Variants in RRBP1 observed in about 807,000 individuals in gnomAD.
The protein encoded by RRBP1 is ribosome-binding protein 1.
RRBP1 carries 94 observed loss-of-function variants against 165.2 expected under a neutral mutation model. The observed-to-expected ratio is 0.57, with a 90% CI of 0.48 to 0.68. The LOEUF (loss-of-function observed/expected upper bound fraction) is 0.68. Among genes scored for constraint, RRBP1 ranks in the 30% least tolerant of loss-of-function variants. RRBP1 has a pLI of 0.00. For synonymous variants in RRBP1, 680 were observed against 714.5 expected (o/e 0.95, Z 0.77); for missense variants, 1,676 against 1,763.0 (o/e 0.95, Z 0.88).
chr20:17,680,109 G>A (rs1308142930), intron 1 of RRBP1, 34 bp from the exon 2 acceptor site: 1 of 152,216 alleles, frequency 6.6e-6, no homozygotes, highest in Non-Finnish European at 1.5e-5. Flanking sequence ...ATGATAGTGG[G>A]AGTGACCTTT....
At chr20:17,620,070 T>C (rs1467758885) in intron 18 of RRBP1, among the ~76,000 whole-genome samples, 4 of 152,154 alleles carry the variant, frequency 2.6e-5, no homozygotes, top group Non-Finnish European at 5.9e-5. Flanking sequence ...TCACCAGGGC[T>C]GGGCAGGTCT....
At chr20:17,616,636 G>T in intron 21 of RRBP1, 96 bp downstream of exon 21, 1 of 790,678 alleles carries the variant, frequency 1.3e-6, no homozygotes, top group South Asian at 1.6e-5. Context: ...GCGGAGGCTG[G>T]AGCAGCCAGT....
At chr20:17,651,356 C>T (rs1022247233) in intron 3 of RRBP1, among the ~76,000 whole-genome samples, 1 of 152,178 alleles carries the variant, frequency 6.6e-6, no homozygotes, top group African/African-American at 2.4e-5. Context: ...AAAAACGTAC[C>T]CACCTTTTGA....
intron 10 of RRBP1, 51 bp downstream of exon 10, chr20:17,627,453 C>G: frequency 6.2e-7 from 1 of 1,609,652 alleles, no homozygotes; most frequent in Non-Finnish European, 8.5e-7. Context: ...GTCCACCCAC[C>G]TGCTAGATGG....
chr20:17,621,891 C>A lies in RRBP1; in HGVS notation c.3204G>T (p.Leu1068=). The A allele has an allele frequency of 1.2e-6, 2 of 1,613,874 alleles. No homozygotes were observed. The highest frequency in any genetic ancestry group is 8.5e-7 in the Non-Finnish European group (1 of 1,179,990). The change falls in exon 14 of 25, where the codon CTG becomes CTT. Residue 1068 remains leucine (L), a synonymous_variant. Transcript: ENST00000377813. ...LIEAQTMEAL[L]ALLPELSVLA... is the part of the protein sequence containing the mutation. ...AGACAGAGAGTTCTGGGAGCAGAGC[C>A]AGCAGGGCCTCCATGGTCTGCGCCT...
intron 2 of RRBP1, among the ~76,000 whole-genome samples, chr20:17,668,007 T>C (rs1488138630): frequency 2.6e-5 from 4 of 152,276 alleles, no homozygotes; most frequent in African/African-American, 9.6e-5. Context: ...TCAGTCTATT[T>C]GTTATTCCTT....
chr20:17,622,043 GA>G (rs1226207818), intron 13 of RRBP1, 96 bp from the exon 14 acceptor site: 19 of 876,308 alleles, frequency 2.2e-5, no homozygotes, highest in Non-Finnish European at 3.0e-5. Context: ...CTCTGCCCCA[GA>G]AAGGGCACAT....
chr20:17,619,072 A>G, intron 19 of RRBP1: 1 of 186,270 alleles, frequency 5.4e-6, no homozygotes, highest in South Asian at 1.1e-4. Flanking sequence ...GGAGGTGCCC[A>G]CCAGTGTGCC....
At chr20:17,616,106 C>A in intron 21 of RRBP1, 97 bp from the exon 22 acceptor site, 1 of 1,010,790 alleles carries the variant, frequency 9.9e-7, no homozygotes, top group Non-Finnish European at 1.4e-6. Context: ...CTGCTTCTAG[C>A]TTCCCCTTTC....
At chr20:17,680,129 G>C (rs140936493) in intron 1 of RRBP1, 54 bp from the exon 2 acceptor site, 1 of 152,224 alleles carries the variant, frequency 6.6e-6, no homozygotes, top group Non-Finnish European at 1.5e-5. Flanking sequence ...TGGCAAGTTC[G>C]TAAACGAGTC....
chr20:17,670,840 C>A (rs1298143764), intron 2 of RRBP1, among the ~76,000 whole-genome samples: 2 of 152,096 alleles, frequency 1.3e-5, no homozygotes, highest in Admixed American at 6.6e-5. Flanking sequence ...TTTTTATTTA[C>A]CCGGCTTGGG....
chr20:17,660,640 A>C, intron 2 of RRBP1, 112 bp from the exon 3 acceptor site: 1 of 684,416 alleles, frequency 1.5e-6, no homozygotes, highest in Non-Finnish European at 2.5e-6. Flanking sequence ...TCAGGCTAAT[A>C]AATTCAGAGA....
intron 24 of RRBP1, 144 bp from the exon 25 acceptor site, chr20:17,614,364 C>T (rs1410225671): frequency 2.6e-6 from 2 of 763,560 alleles, no homozygotes; most frequent in Non-Finnish European, 4.3e-6. Context: ...AGCCACAGAC[C>T]CCTGGGGCTG....
intron 2 of RRBP1, among the ~76,000 whole-genome samples, chr20:17,660,809 C>T (rs1175456337): frequency 1.3e-5 from 2 of 152,172 alleles, no homozygotes; most frequent in Non-Finnish European, 2.9e-5. Flanking sequence ...GCCCAGGAGC[C>T]TCAGCAGCCA....
chr20:17,615,810 GCCCAGC>G, intron 22 of RRBP1, 110 bp downstream of exon 22: 1 of 929,458 alleles, frequency 1.1e-6, no homozygotes, highest in Non-Finnish European at 1.6e-6. Context: ...GAAGGCCCAG[GCCCAGC>G]CCAGGTGCTG....
At position 17,614,851 on chromosome 20, in the gene RRBP1, T is replaced by C. The variant is rs1364721870; in HGVS notation, c.4080A>G (p.Thr1360=). 6.2e-7 allele frequency: 1 copy of C among 1,613,748 alleles called. No individual in the cohort carries two copies. Among genetic ancestry groups the C allele is most frequent in the Non-Finnish European group, 8.5e-7 (1 of 1,179,982 alleles). Residue 1360 remains threonine, a synonymous_variant, in exon 24 of 25, where the codon ACA becomes ACG. Coordinates refer to ENST00000377813, the MANE Select transcript of RRBP1 (RefSeq NM_001365613.2). The part of the protein sequence containing the change: ...KERLEKEKKL[T]SDLGRAATRL... ...TCGTGGCGGCGCGCCCCAGGTCACT[T>C]GTTAACTTCTTCTCTTTTTCTAGTC...
chr20:17,630,909 A>G (rs1014877935), intron 8 of RRBP1, among the ~76,000 whole-genome samples: 1 of 152,198 alleles, frequency 6.6e-6, no homozygotes, highest in Non-Finnish European at 1.5e-5. Flanking sequence ...ATTTTCTTTT[A>G]GGGCAATGGC....
intron 3 of RRBP1, among the ~76,000 whole-genome samples, chr20:17,647,448 A>G (rs1204433797): frequency 2.6e-5 from 4 of 152,208 alleles, no homozygotes; most frequent in African/African-American, 9.6e-5. Flanking sequence ...GGGAATCTGG[A>G]TTTTATTCTG....
intron 2 of RRBP1, among the ~76,000 whole-genome samples, chr20:17,675,200 C>CA (rs1233709075): frequency 6.6e-6 from 1 of 152,272 alleles, no homozygotes; most frequent in African/African-American, 2.4e-5. Flanking sequence ...ATGTGACTGT[C>CA]AATTTCTCAA....
Sources: allele counts gnomAD v4.1 joint callset (sites outside exome capture counted in the v4.1 genomes callset), GRCh38; gene constraint gnomAD v4.1.1; transcripts MANE v1.5; gene names NCBI Gene and HGNC (gene_info 2026-07-23, HGNC 2026-07-21).